ABCB5: variants seen among roughly 807,000 people sequenced by gnomAD.
The protein encoded by ABCB5 is ATP binding cassette subfamily B member 5.
A neutral mutation model predicts 144.2 loss-of-function variants in ABCB5; 155 were observed. The ratio of observed to expected loss-of-function variants is 1.08; its 90% CI spans 0.94 to 1.23. ABCB5 has a LOEUF of 1.23. Ranked by LOEUF, ABCB5 falls within the 50% of genes most tolerant of loss-of-function variation. The pLI is 0.00. For missense variants in ABCB5, 1,830 were observed against 1,520.8 expected, an observed-to-expected ratio of 1.20 and a Z score of -3.38; for synonymous variants, 610 against 528.6, an observed-to-expected ratio of 1.15 and a Z score of -2.11.
At chr7:20,668,684 C>G (rs866058985) in intron 14 of ABCB5, among the ~76,000 whole-genome samples, 2 of 144,438 alleles carry the variant, frequency 1.4e-5, no homozygotes, top group African/African-American at 5.3e-5. Flanking sequence ...AGTGAGGAGC[C>G]CCTCTGCCCG....
At chr7:20,737,198 A>T (rs1157368637) in intron 23 of ABCB5, among the ~76,000 whole-genome samples, 2 of 151,360 alleles carry the variant, frequency 1.3e-5, no homozygotes, top group Non-Finnish European at 2.9e-5. Flanking sequence ...TCCCTCACTC[A>T]ACCCCAGATA....
chr7:20,654,306 C>G (rs1033112053), intron 13 of ABCB5, among the ~76,000 whole-genome samples: 7 of 151,976 alleles, frequency 4.6e-5, no homozygotes, highest in Admixed American at 3.9e-4. Context: ...AAAAATATGG[C>G]CTGTATGCAA....
intron 20 of ABCB5, among the ~76,000 whole-genome samples, chr7:20,711,849 C>CTTTCTTTCTTTTCT (rs1562573834): frequency 1.6e-5 from 1 of 60,736 alleles, no homozygotes; most frequent in Non-Finnish European, 3.1e-5. Context: ...TCTTTCTTTT[C>CTTTCTTTCTTTTCT]TTTCTTTCTT....
At chr7:20,642,222 T>C (rs529176154) in intron 5 of ABCB5, among the ~76,000 whole-genome samples, 4 of 152,340 alleles carry the variant, frequency 2.6e-5, no homozygotes, top group South Asian at 4.1e-4. Context: ...CCCTAGAATA[T>C]GCCAAATTCT....
chr7:20,716,303 C>G (rs533825525), intron 20 of ABCB5, among the ~76,000 whole-genome samples: 1 of 152,072 alleles, frequency 6.6e-6, no homozygotes, highest in African/African-American at 2.4e-5. Flanking sequence ...TAATTGATGA[C>G]AAGTAATTCT....
At chr7:20,724,253 A>T (rs1408500055) in intron 21 of ABCB5, among the ~76,000 whole-genome samples, 1 of 150,422 alleles carries the variant, frequency 6.6e-6, no homozygotes, top group African/African-American at 2.5e-5. Context: ...CTTGGCTTTC[A>T]TCTTGGTAGA....
At chr7:20,697,057 G>C (rs1354724607) in intron 16 of ABCB5, among the ~76,000 whole-genome samples, 1 of 152,150 alleles carries the variant, frequency 6.6e-6, no homozygotes, top group Non-Finnish European at 1.5e-5. Context: ...GTGCCTGATA[G>C]TTAGCGTGCA....
intron 20 of ABCB5, among the ~76,000 whole-genome samples, chr7:20,722,711 G>A (rs1024646507): frequency 6.6e-6 from 1 of 152,034 alleles, no homozygotes; most frequent in African/African-American, 2.4e-5. Context: ...AATCCCAGCT[G>A]CTCCAGAGGC....
At chr7:20,667,517 T>C in intron 14 of ABCB5, 1 of 979,400 alleles carries the variant, frequency 1.0e-6, no homozygotes, top group Non-Finnish European at 1.2e-6. Flanking sequence ...GACGTGTTAA[T>C]GCTCTCTTTT....
intron 15 of ABCB5, among the ~76,000 whole-genome samples, chr7:20,684,005 G>A (rs1189100799): frequency 2.6e-5 from 4 of 152,050 alleles, no homozygotes; most frequent in Non-Finnish European, 4.4e-5. Flanking sequence ...TAAATTCTCA[G>A]TGCATCAATT....
intron 16 of ABCB5, among the ~76,000 whole-genome samples, chr7:20,691,234 G>T (rs140281824): frequency 2.6e-3 from 334 of 129,814 alleles, no homozygotes; most frequent in African/African-American, 8.9e-3. Context: ...GCTCAGGCTA[G>T]AGTGCAATGG....
At chr7:20,687,795 G>A (rs2128040587) in intron 16 of ABCB5, among the ~76,000 whole-genome samples, 1 of 152,316 alleles carries the variant, frequency 6.6e-6, no homozygotes, top group Admixed American at 6.5e-5. Context: ...TAAGGTAGGA[G>A]GATTGCTTGA....
intron 1 of ABCB5, 64 bp from the exon 2 acceptor site, chr7:20,623,201 C>A: frequency 1.1e-6 from 1 of 947,634 alleles, no homozygotes; most frequent in Non-Finnish European, 1.6e-6. Context: ...GTAAAGAATG[C>A]TGTATATCAA....
intron 3 of ABCB5, 127 bp downstream of exon 3, chr7:20,626,738 T>C (rs1783917906): frequency 2.7e-6 from 2 of 754,708 alleles, no homozygotes; most frequent in Admixed American, 7.6e-5. Flanking sequence ...AAATAATTCA[T>C]TAAAGTATGA....
chr7:20,696,842 G>A (rs948762146), intron 16 of ABCB5, among the ~76,000 whole-genome samples: 4 of 151,854 alleles, frequency 2.6e-5, no homozygotes, highest in Non-Finnish European at 4.4e-5. Context: ...CTATTTAAAT[G>A]ATACCATTTT....
intron 14 of ABCB5, among the ~76,000 whole-genome samples, chr7:20,669,309 T>C (rs1785374182): frequency 6.8e-6 from 1 of 146,934 alleles, no homozygotes; most frequent in Admixed American, 6.7e-5. Context: ...GGAAAAAAAT[T>C]GAGAAATCGG....
intron 9 of ABCB5, chr7:20,647,256 C>G (rs1447308645): frequency 1.6e-5 from 18 of 1,128,312 alleles, no homozygotes; most frequent in East Asian, 1.1e-4. Flanking sequence ...CACATCCCAG[C>G]ATGTGATAAC....
rs71555818 is a variant in ABCB5, at chr7:20,733,624, CTCTTTTCTTT to C, written c.2867+5181_2867+5190del. On this transcript the variant is annotated intron_variant, in intron 23 of 27. Coordinates refer to ENST00000404938, the MANE Select transcript of ABCB5 (RefSeq NM_001163941.2). ...TAGAGCCACTGGTATCACTTTTCTT[CTCTTTTCTTT>C]TCTTTTCTTTTTTTTTTTTTTTAAG... Among the ~76,000 whole-genome samples, 43 of 151,078 alleles carry C rather than the reference CTCTTTTCTTT, an allele frequency of 2.8e-4. No individual in the cohort carries two copies. In the East Asian group the frequency reaches 8.4e-3, roughly 29 times the overall value.
chr7:20,659,026 A>T, intron 14 of ABCB5: 1 of 1,601,882 alleles, frequency 6.2e-7, no homozygotes, highest in Non-Finnish European at 8.6e-7. Flanking sequence ...TTCTACATAC[A>T]CCTGTGGGAT....
Sources: allele counts gnomAD v4.1 joint callset (sites outside exome capture counted in the v4.1 genomes callset), GRCh38; gene constraint gnomAD v4.1.1; transcripts MANE v1.5; gene names NCBI Gene and HGNC (gene_info 2026-07-23, HGNC 2026-07-21).